The following INPP4A variants were observed in gnomAD, a reference collection of about 807,000 sequenced individuals.
The protein encoded by INPP4A is inositol polyphosphate-4-phosphatase, type I, 107kD.
Under a neutral mutation model 119.8 loss-of-function variants are expected in INPP4A, and 33 were observed. That is an observed-to-expected ratio of 0.28 (90% CI 0.21 to 0.37). The LOEUF is 0.37. Among genes scored for constraint, INPP4A ranks in the 10% least tolerant of loss-of-function variants. The probability of loss-of-function intolerance (pLI) is 1.00; values close to 1 mark genes in which losing one functional copy is unlikely to be tolerated. For missense variants in INPP4A, 956 were observed against 1,289.9 expected, an observed-to-expected ratio of 0.74 and a Z score of 3.97; for synonymous variants, 496 against 500.7, an observed-to-expected ratio of 0.99 and a Z score of 0.12.
chr2:98,581,535 T>C, intron 24 of INPP4A: 2 of 1,495,206 alleles, frequency 1.3e-6, no homozygotes, highest in South Asian at 1.4e-5. Flanking sequence ...TTTCCTTTCC[T>C]TTTTCCTTTT....
chr2:98,517,445 C>T (rs978495764), intron 1 of INPP4A, among the ~76,000 whole-genome samples: 4 of 152,134 alleles, frequency 2.6e-5, no homozygotes, highest in South Asian at 2.1e-4. Context: ...TTTTCCAGCG[C>T]GGGTGACTAT....
In INPP4A at chr2:98,519,961, A is replaced by G; in HGVS notation, c.-88A>G. 9.9e-7 allele frequency: 1 copy of G among 1,009,782 alleles called. No homozygotes were observed. Among genetic ancestry groups the G allele is most frequent in the Non-Finnish European group, 1.5e-6 (1 of 653,976 alleles). 62.6% of individuals were successfully genotyped at this position (1,009,782 alleles called of 1,614,324 possible). On this transcript the variant is annotated 5_prime_UTR_variant, in exon 3 of 25. It removes the in-frame stop codon of an upstream open reading frame in the 5' UTR. Transcript: ENST00000409851. Reference sequence around the variant, plus strand: ...CTTTTCTCAGGGCTACTGCCACTTTAGTGGACTAGGGCTCGGTGCCAGCAC... The same window carrying G: ...CTTTTCTCAGGGCTACTGCCACTTTGGTGGACTAGGGCTCGGTGCCAGCAC...
intron 10 of INPP4A, among the ~76,000 whole-genome samples, chr2:98,540,368 AACCTGTCAG>A (rs1343639457): frequency 6.6e-6 from 1 of 152,218 alleles, no homozygotes; most frequent in Non-Finnish European, 1.5e-5. Flanking sequence ...GACTGAGTAT[AACCTGTCAG>A]CTCACTGTGG....
chr2:98,583,755 G>A lies in INPP4A; in HGVS notation c.2787-3721G>A, dbSNP rs545264781. The stretch of plus-strand genomic sequence containing the variant: ...CAGTCGACCACAAAAGGCAGCGAGC[G>A]ACCTCTCTTCATTATCTCTCCAGGA... On this transcript the variant is annotated intron_variant, in intron 24 of 24. Coordinates refer to ENST00000409851, the MANE Select transcript of INPP4A (RefSeq NM_001134225.2). 6.6e-5 allele frequency among the ~76,000 whole-genome samples: 10 copies of A among 152,238 alleles called. No individual in the cohort carries two copies. The South Asian group carries it at 1.2e-3, about 19-fold the overall frequency.
intron 1 of INPP4A, among the ~76,000 whole-genome samples, chr2:98,501,102 A>G (rs1371127235): frequency 6.6e-6 from 1 of 152,196 alleles, no homozygotes; most frequent in Non-Finnish European, 1.5e-5. Flanking sequence ...GGATCACTTG[A>G]GGTCAGGAGT....
chr2:98,498,555 C>G (rs948877018), intron 1 of INPP4A, among the ~76,000 whole-genome samples: 6 of 151,930 alleles, frequency 3.9e-5, no homozygotes, highest in Non-Finnish European at 7.4e-5. Flanking sequence ...TGGCCTCTCA[C>G]TGGCAACACT....
intron 1 of INPP4A, among the ~76,000 whole-genome samples, chr2:98,514,313 C>A (rs1685693413): frequency 6.6e-6 from 1 of 152,156 alleles, no homozygotes; most frequent in South Asian, 2.1e-4. Context: ...TATACTTGGT[C>A]TACCTCCCTC....
chr2:98,536,954 C>A (rs1690398246), intron 7 of INPP4A, among the ~76,000 whole-genome samples: 1 of 152,154 alleles, frequency 6.6e-6, no homozygotes, highest in Non-Finnish European at 1.5e-5. Flanking sequence ...GAAAAAGGAA[C>A]CATCTTTGGT....
At chr2:98,466,866 G>C (rs1338952505) in intron 1 of INPP4A, among the ~76,000 whole-genome samples, 1 of 152,210 alleles carries the variant, frequency 6.6e-6, no homozygotes, top group African/African-American at 2.4e-5. Flanking sequence ...TCTGAATGCC[G>C]AGTTTCTTAG....
intron 5 of INPP4A, among the ~76,000 whole-genome samples, chr2:98,534,887 A>G (rs551608854): frequency 6.6e-6 from 1 of 152,348 alleles, no homozygotes; most frequent in African/African-American, 2.4e-5. Context: ...ATGGTTGAGA[A>G]CAACAGAGAA....
At chr2:98,582,169 AACC>A in intron 24 of INPP4A, among the ~76,000 whole-genome samples, 1 of 152,234 alleles carries the variant, frequency 6.6e-6, no homozygotes, top group Non-Finnish European at 1.5e-5. Flanking sequence ...GTGTACTGCT[AACC>A]CTTCCTTTCC....
At chr2:98,536,297 G>A (rs1293556940) in intron 7 of INPP4A, 89 bp downstream of exon 7, 2 of 792,544 alleles carry the variant, frequency 2.5e-6, no homozygotes, top group South Asian at 1.5e-5. Context: ...TATACTGAGA[G>A]AGCACCCTTC....
Position 98,546,569 on chromosome 2 carries a change from A to C in INPP4A, c.1055-17A>C. ...GCCTGAGCCCAGAGTAATGGAGGAGAGCTTTCTGTCATTCAGATCAGAACT... is the reference window on the plus strand; with the variant it reads ...GCCTGAGCCCAGAGTAATGGAGGAGCGCTTTCTGTCATTCAGATCAGAACT... On this transcript the variant is annotated splice_polypyrimidine_tract_variant and intron_variant, in intron 12 of 24. Transcript: ENST00000409851. The surrounding 1 kb of genome is among the most constrained non-coding windows in gnomAD (Gnocchi z 4.2). The C allele has an allele frequency of 1.3e-6, 2 of 1,583,148 alleles. No individual in the cohort carries two copies. The highest frequency in any genetic ancestry group is 1.7e-6 in the Non-Finnish European group (2 of 1,152,428).
In INPP4A at chr2:98,566,075, G is replaced by C; in HGVS notation, c.2326G>C (p.Ala776Pro). 1 of 1,602,610 alleles carries C rather than the reference G, an allele frequency of 6.2e-7. No homozygotes were observed. The highest frequency in any genetic ancestry group is 8.5e-7 in the Non-Finnish European group (1 of 1,175,050). ...CCCTCTGCCGGGCCCGCTGTTTGAC[G>C]CCTTGCCCCGGGAGATCCAGAGTGG... ...RVPLPGPLFD[A>P]LPREIQSGML... Residue 776 changes from alanine (A) to proline (P), a missense_variant, in exon 21 of 25, where the codon GCC becomes CCC. By Grantham distance (27) the Ala-to-Pro change is conservative. Coordinates refer to ENST00000409851, the MANE Select transcript of INPP4A (RefSeq NM_001134225.2). The surrounding 1 kb of genome is among the most constrained non-coding windows in gnomAD (Gnocchi z 4.2).
chr2:98,517,775 C>A (rs1375956380), intron 1 of INPP4A, among the ~76,000 whole-genome samples: 1 of 152,148 alleles, frequency 6.6e-6, no homozygotes, highest in Non-Finnish European at 1.5e-5. Flanking sequence ...GTAGTCTTTT[C>A]CATGTTCTAT....
Position 98,589,904 on chromosome 2 carries a change from C to T in INPP4A, c.*2296C>T, listed in dbSNP as rs1700276657. The T allele has an allele frequency of 1.0e-5, 2 of 198,248 alleles. No individual in the cohort carries two copies. Among genetic ancestry groups the T allele is most frequent in the Non-Finnish European group, 1.0e-5 (1 of 95,864 alleles). 12.3% of individuals were successfully genotyped at this position (198,248 alleles called of 1,614,324 possible). On this transcript the variant is annotated 3_prime_UTR_variant, in exon 25 of 25. Transcript: ENST00000409851. ...AATGTGGATTCTGTCAGAGCTCCTA[C>T]AGAGCACAGTTGCCTTTAGTTTCCT...
intron 1 of INPP4A, among the ~76,000 whole-genome samples, chr2:98,518,761 C>G (rs1686628433): frequency 6.6e-6 from 1 of 152,196 alleles, no homozygotes; most frequent in African/African-American, 2.4e-5. Context: ...ATCAGCCCTG[C>G]AGGGGAGAGG....
intron 23 of INPP4A, among the ~76,000 whole-genome samples, chr2:98,573,925 AT>A (rs1345741023): frequency 2.6e-5 from 4 of 152,230 alleles, no homozygotes; most frequent in Admixed American, 6.5e-5. Flanking sequence ...ATTCCCCTCC[AT>A]CTTTTGAGTT....
chr2:98,446,110 T>C (rs536392307), intron 1 of INPP4A, among the ~76,000 whole-genome samples: 1 of 152,386 alleles, frequency 6.6e-6, no homozygotes, highest in Admixed American at 6.5e-5. Flanking sequence ...GTGTGAATCA[T>C]GGTTCTGCCG....
Sources: allele counts gnomAD v4.1 joint callset (sites outside exome capture counted in the v4.1 genomes callset), GRCh38; gene constraint gnomAD v4.1.1; non-coding constraint Gnocchi (gnomAD v3.1); transcripts MANE v1.5; gene names NCBI Gene and HGNC (gene_info 2026-07-23, HGNC 2026-07-21).